Variants in ATRN observed in about 807,000 individuals in gnomAD.
ATRN encodes the protein attractin-2.
In ATRN, 54 loss-of-function variants were observed where a neutral mutation model predicts 178.7. The observed-to-expected ratio is 0.30, with a 90% CI of 0.24 to 0.38. The LOEUF (loss-of-function observed/expected upper bound fraction) is 0.38, where lower values mean the gene tolerates loss of function less well. ATRN is among the 10% of genes least tolerant of loss of function. The pLI, the probability that ATRN is intolerant of heterozygous loss-of-function variation, is 1.00. For synonymous variants in ATRN, 636 were observed against 663.0 expected, an observed-to-expected ratio of 0.96 and a Z score of 0.63; for missense variants, 1,443 against 1,815.1, an observed-to-expected ratio of 0.79 and a Z score of 3.73.
At chr20:3,509,032 G>A (rs1264799715) in intron 1 of ATRN, among the ~76,000 whole-genome samples, 1 of 152,036 alleles carries the variant, frequency 6.6e-6, no homozygotes, top group East Asian at 1.9e-4. Context: ...GAAAAAAATG[G>A]AATAATAAGA....
At chr20:3,517,353 A>AC (rs1262073715) in intron 1 of ATRN, among the ~76,000 whole-genome samples, 1 of 152,078 alleles carries the variant, frequency 6.6e-6, no homozygotes, top group Non-Finnish European at 1.5e-5. Flanking sequence ...TAAGCCATAC[A>AC]CCAAAGTGCA....
chr20:3,575,213 C>T (rs1600121477), intron 12 of ATRN, among the ~76,000 whole-genome samples: 1 of 152,212 alleles, frequency 6.6e-6, no homozygotes, highest in African/African-American at 2.4e-5. Flanking sequence ...CCGCCCGCCT[C>T]GGCCTCCCGA....
chr20:3,482,876 A>G (rs1368599456), intron 1 of ATRN, among the ~76,000 whole-genome samples: 3 of 152,174 alleles, frequency 2.0e-5, no homozygotes, highest in Non-Finnish European at 4.4e-5. Flanking sequence ...ATAACTTCCT[A>G]TTAATATGAA....
At chr20:3,509,828 T>G (rs2085100694) in intron 1 of ATRN, among the ~76,000 whole-genome samples, 1 of 152,104 alleles carries the variant, frequency 6.6e-6, no homozygotes, top group Non-Finnish European at 1.5e-5. Flanking sequence ...TGTAAATAAT[T>G]TTAAGCTCAC....
At chr20:3,494,242 A>T (rs1448773691) in intron 1 of ATRN, among the ~76,000 whole-genome samples, 1 of 152,232 alleles carries the variant, frequency 6.6e-6, no homozygotes, top group Non-Finnish European at 1.5e-5. Flanking sequence ...GAAGAAATAC[A>T]TAGTCAATAT....
chr20:3,475,266 A>G (rs2084509030), intron 1 of ATRN, among the ~76,000 whole-genome samples: 1 of 152,042 alleles, frequency 6.6e-6, no homozygotes, highest in Admixed American at 6.6e-5. Context: ...TTTTTTCATT[A>G]ATTGAAGGGA....
At chr20:3,596,590 T>C (rs2086532115) in intron 21 of ATRN, among the ~76,000 whole-genome samples, 161 bp downstream of exon 21, 1 of 152,220 alleles carries the variant, frequency 6.6e-6, no homozygotes, top group South Asian at 2.1e-4. Flanking sequence ...TTACTACATA[T>C]AGGAGCACTG....
intron 1 of ATRN, among the ~76,000 whole-genome samples, chr20:3,504,700 A>G (rs1355585070): frequency 2.9e-4 from 25 of 85,600 alleles, no homozygotes; most frequent in Non-Finnish European, 4.4e-4. Flanking sequence ...TAATAATAAT[A>G]ATAATAATAA....
At position 3,648,939 on chromosome 20, in the gene ATRN, C is replaced by G. The variant is rs1037774375; in HGVS notation, c.*2092C>G. On this transcript the variant is annotated 3_prime_UTR_variant, in exon 29 of 29. Transcript: ENST00000262919. The stretch of plus-strand genomic sequence containing the variant: ...ACCAGTTTTCCTAGGCCAAAGAAGT[C>G]TCTTCCCCATGTTAGTCCTATGCCT... 1.3e-5 allele frequency: 2 copies of G among 152,230 alleles called. No homozygotes were observed. The highest frequency in any genetic ancestry group is 2.9e-5 in the Non-Finnish European group (2 of 68,056). The allele number at this position is 152,230 out of a possible 1,614,324, so 9.4% of individuals were successfully genotyped here.
At chr20:3,530,415 C>T (rs535085931) in intron 1 of ATRN, among the ~76,000 whole-genome samples, 3 of 150,434 alleles carry the variant, frequency 2.0e-5, no homozygotes, top group African/African-American at 7.3e-5. Flanking sequence ...AGGCACTTGC[C>T]ACCATGCCTG....
At chr20:3,497,654 T>C (rs920444724) in intron 1 of ATRN, among the ~76,000 whole-genome samples, 9 of 152,140 alleles carry the variant, frequency 5.9e-5, no homozygotes, top group African/African-American at 1.9e-4. Context: ...AGTTGCTCTT[T>C]TCGAGGAGTA....
At chr20:3,533,875 C>T (rs1173017370) in intron 1 of ATRN, among the ~76,000 whole-genome samples, 1 of 152,128 alleles carries the variant, frequency 6.6e-6, no homozygotes, top group East Asian at 1.9e-4. Context: ...CCAGCCTGAT[C>T]TTGAACTCAT....
chr20:3,618,910 C>T (rs2086873783), intron 24 of ATRN, among the ~76,000 whole-genome samples: 2 of 152,190 alleles, frequency 1.3e-5, no homozygotes, highest in Admixed American at 1.3e-4. Flanking sequence ...AAGGAGGTGA[C>T]AGCACAAGAC....
chr20:3,588,452 T>C (rs994539131), intron 18 of ATRN, among the ~76,000 whole-genome samples: 1 of 152,216 alleles, frequency 6.6e-6, no homozygotes, highest in African/African-American at 2.4e-5. Context: ...CACGAAGTTT[T>C]GTTCTTTATT....
At chr20:3,620,648 G>A (rs1050906998) in intron 24 of ATRN, among the ~76,000 whole-genome samples, 2 of 152,210 alleles carry the variant, frequency 1.3e-5, no homozygotes, top group East Asian at 3.8e-4. Flanking sequence ...CAGGGATAGG[G>A]CCTGAGATTC....
chr20:3,635,811 A>T (rs6515820), intron 26 of ATRN, among the ~76,000 whole-genome samples: 4,898 of 152,232 alleles, frequency 0.032, 109 homozygotes, highest in Non-Finnish European at 0.049. Context: ...CACACTCTTT[A>T]TTATTATTTT....
At chr20:3,631,309 C>T (rs149217731) in intron 25 of ATRN, among the ~76,000 whole-genome samples, 79 of 152,122 alleles carry the variant, frequency 5.2e-4, no homozygotes, top group African/African-American at 1.8e-3. Flanking sequence ...TCCAGATAAT[C>T]CTAAGCACTC....
chr20:3,578,530 G>GTT, intron 14 of ATRN, 52 bp from the exon 15 acceptor site: 1 of 1,500,686 alleles, frequency 6.7e-7, no homozygotes, highest in Non-Finnish European at 9.0e-7. Context: ...TAATACAGTA[G>GTT]TTTTGTCTGA....
At chr20:3,620,802 G>A (rs235521) in intron 24 of ATRN, among the ~76,000 whole-genome samples, 131,933 of 152,160 alleles carry the variant, frequency 0.87, 57,586 homozygotes, top group East Asian at 1. Flanking sequence ...AGGAATTGGT[G>A]TCTTCATAGA....
Sources: gnomAD v4.1 joint callset for allele counts (sites outside exome capture counted in the v4.1 genomes callset) on GRCh38, gnomAD v4.1.1 for gene constraint, MANE v1.5 for transcripts, NCBI Gene and HGNC (gene_info 2026-07-23, HGNC 2026-07-21) for gene names.